Variants in IL1RAPL1 observed in about 807,000 individuals in gnomAD.
The protein encoded by IL1RAPL1 is interleukin-1 receptor accessory protein-like 1.
Under a neutral mutation model 48.4 loss-of-function variants are expected in IL1RAPL1, and 3 were observed. That is an observed-to-expected ratio of 0.06 (90% CI 0.03 to 0.16). The LOEUF is 0.16. Ranked by LOEUF, IL1RAPL1 falls within the 10% of genes least tolerant of loss-of-function variation. The pLI is 1.00. For synonymous variants in IL1RAPL1, 185 were observed against 187.7 expected, an observed-to-expected ratio of 0.99 and a Z score of 0.12; for missense variants, 349 against 530.6, an observed-to-expected ratio of 0.66 and a Z score of 3.36.
At chrX:29,016,233 G>A (rs756432768) in intron 2 of IL1RAPL1, among the ~76,000 whole-genome samples, 3 of 111,321 alleles carry the variant, frequency 2.7e-5, no homozygotes, top group South Asian at 3.7e-4. Context: ...AGAGGCAGAC[G>A]CATCTCATTC....
chrX:28,967,398 A>G (rs1312308404), intron 2 of IL1RAPL1, among the ~76,000 whole-genome samples: 1 of 110,505 alleles, frequency 9.0e-6, no homozygotes, highest in Non-Finnish European at 1.9e-5. Context: ...TTCCTTCTTT[A>G]CCCTTATATC....
intron 2 of IL1RAPL1, among the ~76,000 whole-genome samples, chrX:28,823,434 G>C (rs996233615): frequency 1.8e-5 from 2 of 110,951 alleles, no homozygotes; most frequent in African/African-American, 6.5e-5. Context: ...CTTGCCTTCC[G>C]ATTTTTCTGA....
At chrX:28,962,661 AAC>A (rs1444787817) in intron 2 of IL1RAPL1, among the ~76,000 whole-genome samples, 2 of 111,799 alleles carry the variant, frequency 1.8e-5, no homozygotes, top group African/African-American at 3.2e-5. Context: ...AAAACAATAT[AAC>A]ACAGCATGTG....
chrX:29,483,091 G>C (rs1339822107), intron 5 of IL1RAPL1, among the ~76,000 whole-genome samples: 1 of 111,681 alleles, frequency 9.0e-6, no homozygotes, highest in East Asian at 2.8e-4. Context: ...GAAGAAAATG[G>C]AATAATTTAG....
chrX:29,458,587 T>C (rs1236705061), intron 5 of IL1RAPL1, among the ~76,000 whole-genome samples: 2 of 112,118 alleles, frequency 1.8e-5, no homozygotes, highest in African/African-American at 6.5e-5. Flanking sequence ...AGTAATCGCA[T>C]AAAACTTTTA....
chrX:29,520,470 T>A (rs1275888074), intron 5 of IL1RAPL1, among the ~76,000 whole-genome samples: 8 of 112,279 alleles, frequency 7.1e-5, no homozygotes, highest in Non-Finnish European at 1.5e-4. Flanking sequence ...TTAGCGTTTT[T>A]AAATTCTATT....
intron 6 of IL1RAPL1, among the ~76,000 whole-genome samples, chrX:29,803,081 ATG>A (rs1569173571): frequency 1.1e-5 from 1 of 88,638 alleles, no homozygotes; most frequent in Non-Finnish European, 2.2e-5. Flanking sequence ...GTATACATAT[ATG>A]TGTATATGTA....
intron 2 of IL1RAPL1, among the ~76,000 whole-genome samples, chrX:28,921,073 G>A: frequency 9.0e-6 from 1 of 111,058 alleles, no homozygotes. Flanking sequence ...AATGTGAAGA[G>A]AAGAGCAGAA....
In IL1RAPL1 at chrX:28,622,153, G is replaced by A. The variant is rs915079498; in HGVS notation, c.-25+34106G>A. Among the ~76,000 whole-genome samples, 54 of 111,484 alleles carry A rather than the reference G, an allele frequency of 4.8e-4. 1 individual carries two copies. Among genetic ancestry groups the A allele is most frequent in the East Asian group, 2.8e-4 (1 of 3,578 alleles). Reference sequence around the variant, plus strand: ...AAAAAATATAAACCATGGGCAAATCGTCTTCTTGAATATTCTTCTCTCAAT... The same window carrying A: ...AAAAAATATAAACCATGGGCAAATCATCTTCTTGAATATTCTTCTCTCAAT... On this transcript the variant is annotated intron_variant, in intron 1 of 10. Transcript: ENST00000378993.
In IL1RAPL1 at chrX:29,076,630, C is replaced by CCATT. The variant is rs776877717; in HGVS notation, c.83-206289_83-206286dup. Among the ~76,000 whole-genome samples, 310 of 110,947 alleles carry CCATT rather than the reference C, an allele frequency of 2.8e-3. 1 individual carries two copies. The highest frequency in any genetic ancestry group is 5.0e-3 in the Non-Finnish European group (261 of 52,674). On this transcript the variant is annotated intron_variant, in intron 2 of 10. Coordinates refer to ENST00000378993, the MANE Select transcript of IL1RAPL1 (RefSeq NM_014271.4). ...TCGATTCATTCCATTCCATTCCATT[C>CCATT]CATTCATTCATTCATTCATTCAAAA...
chrX:29,784,580 C>T (rs754971740), intron 6 of IL1RAPL1, among the ~76,000 whole-genome samples: 35 of 110,403 alleles, frequency 3.2e-4, no homozygotes, highest in African/African-American at 9.2e-4. Context: ...TATGTGGATA[C>T]ATAGTATCAT....
chrX:28,928,688 A>G (rs1023385667), intron 2 of IL1RAPL1, among the ~76,000 whole-genome samples: 5 of 112,245 alleles, frequency 4.5e-5, no homozygotes, highest in Admixed American at 3.8e-4. Context: ...TTTCTCAGAA[A>G]TGCCTTTCCT....
chrX:29,616,971 C>T (rs1924308479), intron 5 of IL1RAPL1, among the ~76,000 whole-genome samples: 1 of 111,387 alleles, frequency 9.0e-6, no homozygotes, highest in South Asian at 3.8e-4. Flanking sequence ...ATACAGCAGG[C>T]ACTACGCTGT....
rs141193169 is a variant in IL1RAPL1 at position 29,358,322 on chromosome X, A to G, written c.363-37936A>G. On this transcript the variant is annotated intron_variant, in intron 3 of 10. Coordinates refer to ENST00000378993, the MANE Select transcript of IL1RAPL1 (RefSeq NM_014271.4). ...TCTGGGGTGTCATTTTTTGAGCCCCAGTAAGTAAAAGAAGAAGAAATCATG... is the reference window on the plus strand; with the variant it reads ...TCTGGGGTGTCATTTTTTGAGCCCCGGTAAGTAAAAGAAGAAGAAATCATG... 2.2e-3 allele frequency among the ~76,000 whole-genome samples: 242 copies of G among 110,531 alleles called. 1 individual carries two copies. Among genetic ancestry groups the G allele is most frequent in the African/African-American group, 7.7e-3 (235 of 30,440 alleles).
chrX:29,004,231 T>C (rs1925924910), intron 2 of IL1RAPL1, among the ~76,000 whole-genome samples: 1 of 112,656 alleles, frequency 8.9e-6, no homozygotes, highest in African/African-American at 3.2e-5. Flanking sequence ...CAAGTAAAAA[T>C]GCATATGCTT....
intron 5 of IL1RAPL1, among the ~76,000 whole-genome samples, chrX:29,638,268 CT>C (rs775877178): frequency 3.3e-3 from 309 of 93,334 alleles, no homozygotes; most frequent in Middle Eastern, 0.011. Flanking sequence ...CACCAATTAA[CT>C]TTTTTTTTTT....
At chrX:29,936,070 TA>T (rs965073659) in intron 8 of IL1RAPL1, among the ~76,000 whole-genome samples, 3 of 111,175 alleles carry the variant, frequency 2.7e-5, no homozygotes, top group Non-Finnish European at 3.8e-5. Context: ...TTTATGTGAA[TA>T]GCAGCTTGAT....
intron 5 of IL1RAPL1, among the ~76,000 whole-genome samples, chrX:29,492,393 A>G (rs1194606639): frequency 5.3e-5 from 6 of 112,194 alleles, no homozygotes; most frequent in Admixed American, 9.5e-5. Flanking sequence ...TAGGTCAGAA[A>G]CCTGGCACAG....
At chrX:29,334,769 A>G (rs1187080766) in intron 3 of IL1RAPL1, among the ~76,000 whole-genome samples, 1 of 113,396 alleles carries the variant, frequency 8.8e-6, no homozygotes, top group African/African-American at 3.2e-5. Context: ...GCGGCCGGGC[A>G]GAGACGCTCC....
Sources: gnomAD v4.1 joint callset for allele counts (sites outside exome capture counted in the v4.1 genomes callset) on GRCh38, gnomAD v4.1.1 for gene constraint, MANE v1.5 for transcripts, NCBI Gene and HGNC (gene_info 2026-07-23, HGNC 2026-07-21) for gene names.